The following MYSM1 variants were observed in gnomAD, a reference collection of about 807,000 sequenced individuals.
MYSM1 encodes the protein Myb like, SWIRM and MPN domains 1.
In MYSM1, 51 loss-of-function variants were observed where a neutral mutation model predicts 116.0. That is an observed-to-expected ratio of 0.44 (90% confidence interval 0.35 to 0.56). MYSM1 has a LOEUF of 0.56. MYSM1 is among the 20% of genes least tolerant of loss of function. MYSM1 has a pLI of 0.00. For missense variants in MYSM1, 900 were observed against 974.9 expected, an observed-to-expected ratio of 0.92 and a Z score of 1.02; for synonymous variants, 313 against 315.2, an observed-to-expected ratio of 0.99 and a Z score of 0.07.
At chr1:58,699,884 T>G in intron 1 of MYSM1, 101 bp downstream of exon 1, 1 of 1,565,950 alleles carries the variant, frequency 6.4e-7, no homozygotes, top group African/African-American at 1.4e-5. Context: ...GGGACAGTCT[T>G]CTGTTCCCTT....
chr1:58,669,857 A>AAAC (rs1553135839), intron 12 of MYSM1, among the ~76,000 whole-genome samples: 26,504 of 85,960 alleles, frequency 0.31, 8,152 homozygotes, highest in Non-Finnish European at 0.34. Flanking sequence ...AAAAAAAAAA[A>AAAC]AAAAACAAAA....
intron 8 of MYSM1, among the ~76,000 whole-genome samples, chr1:58,681,543 A>G (rs1644741641): frequency 6.6e-6 from 1 of 152,204 alleles, no homozygotes. Context: ...TGCTTCATAA[A>G]GCAATCGTCT....
At chr1:58,690,145 C>T in intron 5 of MYSM1, 81 bp downstream of exon 5, 1 of 1,191,896 alleles carries the variant, frequency 8.4e-7, no homozygotes, top group Admixed American at 3.0e-5. Context: ...TTTCCACAGG[C>T]CAACTATAAT....
chr1:58,666,128 AT>A (rs1644466073), intron 16 of MYSM1, among the ~76,000 whole-genome samples: 1 of 152,136 alleles, frequency 6.6e-6, no homozygotes, highest in Non-Finnish European at 1.5e-5. Context: ...CACACGGTAC[AT>A]TTTTCAGGCA....
In MYSM1 at chr1:58,657,503, G is replaced by A. The variant is rs921800517; in HGVS notation, c.*2494C>T. 1.3e-5 allele frequency: 2 copies of A among 152,136 alleles called. No homozygotes were observed. The highest frequency in any genetic ancestry group is 4.8e-5 in the African/African-American group (2 of 41,436). 9.4% of individuals were successfully genotyped at this position (152,136 alleles called of 1,614,324 possible). ...GCCCAAGGCTGGTAGTGCCAGCAATGTGGGTACCTGTGGTTGCAAAATTGT... is the reference window on the plus strand; with the variant it reads ...GCCCAAGGCTGGTAGTGCCAGCAATATGGGTACCTGTGGTTGCAAAATTGT... On this transcript the variant is annotated 3_prime_UTR_variant, in exon 20 of 20. Transcript: ENST00000472487.
rs1473761775 is a variant in MYSM1, at chr1:58,682,171, G to C, written c.873C>G (p.Ser291Arg). ...QNEKQDETLSSSEITLWTEKQ... is the reference protein window; with the variant it reads ...QNEKQDETLSRSEITLWTEKQ... Reference sequence around the variant, plus strand: ...TCTCAGTCCACAGTGTAATTTCTGAGCTTGAAAGTGTTTCATCTTGCTTTT... The same window carrying C: ...TCTCAGTCCACAGTGTAATTTCTGACCTTGAAAGTGTTTCATCTTGCTTTT... The change falls in exon 8 of 20, where the codon AGC (serine) becomes AGG (arginine). Residue 291 changes from serine (S) to arginine (R), a missense_variant. Transcript: ENST00000472487. The C allele has an allele frequency of 6.2e-6, 10 of 1,612,586 alleles. No homozygotes were observed. Among genetic ancestry groups the C allele is most frequent in the Non-Finnish European group, 8.5e-6 (10 of 1,178,914 alleles).
rs376987710 is a variant in MYSM1, at chr1:58,661,179, A to G, written c.2319T>C (p.Cys773=). The G allele has an allele frequency of 3.5e-5, 57 of 1,612,842 alleles. No individual in the cohort carries two copies. The highest frequency in any genetic ancestry group is 4.2e-5 in the Non-Finnish European group (50 of 1,179,098). The change falls in exon 19 of 20, where the codon TGT becomes TGC. Residue 773 remains cysteine, a synonymous_variant. Coordinates refer to ENST00000472487, the MANE Select transcript of MYSM1 (RefSeq NM_001085487.3). ...AATGAAGACAGCTTACTTTCTGCAA[A>G]CAAGTCAGGTCAGAATCCCGGCGAA... is the stretch of plus-strand genomic sequence containing the variant. The part of the protein sequence containing the change: ...KIFRRDSDLT[C]LQKLLECMRK...
intron 6 of MYSM1, 50 bp from the exon 7 acceptor site, chr1:58,685,301 G>C (rs975653556): frequency 1.6e-6 from 2 of 1,272,750 alleles, no homozygotes; most frequent in Non-Finnish European, 2.2e-6. Context: ...ATTTACTTAA[G>C]AATAGTCCAA....
Position 58,665,623 on chromosome 1 carries a change from G to A in MYSM1, c.2040C>T (p.Phe680=), listed in dbSNP as rs1644455956. Residue 680 remains phenylalanine (F), a synonymous_variant, in exon 17 of 20, where the codon TTC becomes TTT. Coordinates refer to ENST00000472487, the MANE Select transcript of MYSM1 (RefSeq NM_001085487.3). ...IDTQAKYQSY[F]SRGGAKFIGM... ...CAATGAACTTTGCACCTCCTCTGGA[G>A]AAGTAACTCTACAATGACAAGAAAA... The A allele has an allele frequency of 2.6e-6, 4 of 1,549,628 alleles. No individual in the cohort carries two copies. In the African/African-American group the frequency reaches 4.1e-5, roughly 16 times the overall value.
chr1:58,684,051 G>A (rs1183803144), intron 7 of MYSM1, among the ~76,000 whole-genome samples: 1 of 152,074 alleles, frequency 6.6e-6, no homozygotes, highest in Non-Finnish European at 1.5e-5. Flanking sequence ...AAACCCTGGT[G>A]AGCTGCCTTG....
intron 14 of MYSM1, 74 bp from the exon 15 acceptor site, chr1:58,667,995 T>A: frequency 9.8e-7 from 1 of 1,024,420 alleles, no homozygotes; most frequent in Non-Finnish European, 1.6e-6. Context: ...TCACTTATCA[T>A]AAGAAAGTCA....
At chr1:58,682,685 CTTTTTTTTCTTTTCTTT>C (rs1644765723) in intron 7 of MYSM1, 140 bp from the exon 8 acceptor site, 134 of 331,944 alleles carry the variant, frequency 4.0e-4, no homozygotes, top group South Asian at 6.5e-4. Context: ...ATGCGCTTTT[CTTTTTTTTCTTTTCTTT>C]TTTTTTTTTT....
chr1:58,665,763 G>GGCCC, intron 16 of MYSM1, 132 bp from the exon 17 acceptor site: 1 of 653,758 alleles, frequency 1.5e-6, no homozygotes, highest in Non-Finnish European at 2.5e-6. Flanking sequence ...GTTCACATCT[G>GGCCC]GCCCGGCACA....
chr1:58,660,783 G>A (rs1004004178), intron 19 of MYSM1, among the ~76,000 whole-genome samples: 2 of 152,006 alleles, frequency 1.3e-5, no homozygotes, highest in Non-Finnish European at 2.9e-5. Flanking sequence ...CTATTAGAAA[G>A]TTAAATAAAA....
At chr1:58,673,725 T>G (rs1644600008) in intron 10 of MYSM1, 75 bp from the exon 11 acceptor site, 4 of 1,224,914 alleles carry the variant, frequency 3.3e-6, no homozygotes, top group Non-Finnish European at 4.8e-6. Flanking sequence ...ATACACAAAA[T>G]GAAAACAATA....
Position 58,655,396 on chromosome 1 carries a change from C to A in MYSM1, c.*4601G>T, listed in dbSNP as rs578239180. ...GAAGAAAATAAAAACAACTCAGATA[C>A]TACAACTTAATTTTTACCTTCTCAA... is the stretch of plus-strand genomic sequence containing the variant. On this transcript the variant is annotated 3_prime_UTR_variant, in exon 20 of 20. Transcript: ENST00000472487. The A allele has an allele frequency of 1.3e-5, 2 of 152,230 alleles. No homozygotes were observed. Among genetic ancestry groups the A allele is most frequent in the East Asian group, 3.9e-4 (2 of 5,182 alleles). 9.4% of individuals were successfully genotyped at this position (152,230 alleles called of 1,614,324 possible).
intron 17 of MYSM1, among the ~76,000 whole-genome samples, chr1:58,663,099 G>A (rs368249022): frequency 6.6e-5 from 10 of 152,274 alleles, no homozygotes; most frequent in African/African-American, 2.4e-4. Flanking sequence ...GGAGTAGACT[G>A]CCCAAGGTAA....
intron 16 of MYSM1, among the ~76,000 whole-genome samples, chr1:58,666,604 G>A (rs1339036874): frequency 7.5e-6 from 1 of 133,356 alleles, no homozygotes; most frequent in Non-Finnish European, 1.5e-5. Context: ...TGGGTGTGGT[G>A]GCTCATGCCT....
intron 6 of MYSM1, 51 bp from the exon 7 acceptor site, chr1:58,685,302 A>G: frequency 7.7e-7 from 1 of 1,297,358 alleles, no homozygotes; most frequent in Non-Finnish European, 1.1e-6. Context: ...TTTACTTAAG[A>G]ATAGTCCAAG....
Sources: gnomAD v4.1 joint callset for allele counts (sites outside exome capture counted in the v4.1 genomes callset) on GRCh38, gnomAD v4.1.1 for gene constraint, MANE v1.5 for transcripts, NCBI Gene and HGNC (gene_info 2026-07-23, HGNC 2026-07-21) for gene names.